The following PTPN2 variants were observed in gnomAD, a reference collection of about 807,000 sequenced individuals.
PTPN2 encodes the protein tyrosine-protein phosphatase non-receptor type 2.
In PTPN2, 19 loss-of-function variants were observed where a neutral mutation model predicts 57.3. That is an observed-to-expected ratio of 0.33 (90% CI 0.23 to 0.49). PTPN2 has a LOEUF of 0.49. PTPN2 is among the 20% of genes least tolerant of loss of function. The pLI, the probability that PTPN2 is intolerant of heterozygous loss-of-function variation, is 0.99. For missense variants in PTPN2, 358 were observed against 501.1 expected (o/e 0.71, Z 2.73); for synonymous variants, 153 against 164.9 (o/e 0.93, Z 0.55).
rs1032615852 is a variant in PTPN2 at position 12,859,399 on chromosome 18, T to G, written c.70-145A>C. On this transcript the variant is annotated intron_variant, in intron 1 of 8. Transcript: ENST00000309660. ...ACATTGTTTACATCAATTAATCATT[T>G]AATCCTCACAATACTAATGGAAACG... The G allele has an allele frequency of 5.3e-6, 3 of 562,642 alleles. No individual in the cohort carries two copies. In the African/African-American group the frequency reaches 5.7e-5, roughly 11 times the overall value. 34.9% of individuals were successfully genotyped at this position (562,642 alleles called of 1,614,324 possible).
intron 1 of PTPN2, chr18:12,863,280 G>T (rs1194065083): frequency 6.6e-6 from 1 of 152,112 alleles, no homozygotes; most frequent in Non-Finnish European, 1.5e-5. Context: ...AACACAGTAA[G>T]ACACCAGCTC....
rs981027966 is a variant in PTPN2 at position 12,792,270 on chromosome 18, A to G, written c.*2008T>C. On this transcript the variant is annotated 3_prime_UTR_variant, in exon 9 of 9. Coordinates refer to ENST00000309660, the MANE Select transcript of PTPN2 (RefSeq NM_002828.4). ...CAATTCAAAATATCTATCTATACCAATGGTTTTCAAACTTTTTTTTTTTTT... is the reference window on the plus strand; with the variant it reads ...CAATTCAAAATATCTATCTATACCAGTGGTTTTCAAACTTTTTTTTTTTTT... The G allele has an allele frequency of 1.9e-5, 17 of 900,968 alleles. No homozygotes were observed. Among genetic ancestry groups the G allele is most frequent in the Non-Finnish European group, 2.3e-5 (17 of 754,950 alleles). 55.8% of individuals were successfully genotyped at this position (900,968 alleles called of 1,614,324 possible).
At chr18:12,800,786 G>C (rs1376138897) in intron 8 of PTPN2, among the ~76,000 whole-genome samples, 1 of 152,148 alleles carries the variant, frequency 6.6e-6, no homozygotes, top group African/African-American at 2.4e-5. Context: ...GTTATTCAGA[G>C]ATGCAGGAGA....
chr18:12,868,571 T>C (rs1258644502), intron 1 of PTPN2, among the ~76,000 whole-genome samples: 1 of 150,946 alleles, frequency 6.6e-6, no homozygotes, highest in Non-Finnish European at 1.5e-5. Context: ...AGTTTTCTAC[T>C]GCCTTTCTTG....
Position 12,794,366 on chromosome 18 carries a change from G to A in PTPN2, c.1160C>T (p.Pro387Leu), listed in dbSNP as rs780534824. 7.4e-6 allele frequency: 12 copies of A among 1,614,160 alleles called. No homozygotes were observed. In the South Asian group the frequency reaches 1.2e-4, roughly 16 times the overall value. ...RKRKRWLYWQ[P>L]ILTKMGFMSV... ...CATAAACCCCATCTTAGTGAGAATA[G>A]GTTGCCAATATAACCACCTTTTTCT... is the stretch of plus-strand genomic sequence containing the variant. Residue 387 changes from proline to leucine, a missense_variant, in exon 9 of 9, where the codon CCT (proline) becomes CTT (leucine). This residue lies in a region of PTPN2 where 96 missense variants were observed against 110.8 expected (regional missense o/e 0.87). Coordinates refer to ENST00000309660, the MANE Select transcript of PTPN2 (RefSeq NM_002828.4).
intron 7 of PTPN2, among the ~76,000 whole-genome samples, chr18:12,806,077 AT>A (rs1168641860): frequency 6.6e-6 from 1 of 152,186 alleles, no homozygotes; most frequent in East Asian, 1.9e-4. Context: ...AGAAAACCCT[AT>A]AGACTCTACC....
chr18:12,836,976 AAGAC>A lies in PTPN2; in HGVS notation c.161-89_161-86del, dbSNP rs1237660224. The A allele has an allele frequency of 7.1e-5, 57 of 802,852 alleles. No homozygotes were observed. The South Asian group carries it at 9.1e-4, about 13-fold the overall frequency. 49.7% of individuals were successfully genotyped at this position (802,852 alleles called of 1,614,324 possible). A position where few individuals can be genotyped will look rare whatever the true frequency, so the allele number is the denominator to read the frequency against. ...TATTAATATTCTAGGTATTTATAAA[AAGAC>A]AGAAGAAATAAGAAAAATGAATTAG... On this transcript the variant is annotated intron_variant, in intron 2 of 8. Transcript: ENST00000309660.
In PTPN2 at chr18:12,793,093, G is replaced by C. The variant is rs548288763; in HGVS notation, c.*1185C>G. The C allele has an allele frequency of 6.0e-5, 59 of 985,068 alleles. No homozygotes were observed. The Admixed American group carries it at 2.9e-3, about 48-fold the overall frequency. 61.0% of individuals were successfully genotyped at this position (985,068 alleles called of 1,614,324 possible). ...TAATGTATGCTATCCATGCCTCCTAGCAATTAAATTTGTAACAACAATTTC... is the reference window on the plus strand; with the variant it reads ...TAATGTATGCTATCCATGCCTCCTACCAATTAAATTTGTAACAACAATTTC... On this transcript the variant is annotated 3_prime_UTR_variant, in exon 9 of 9. Transcript: ENST00000309660.
Position 12,794,302 on chromosome 18 carries a change from C to CA in PTPN2, c.1223dup (p.Phe409ValfsTer11). 1.2e-6 allele frequency: 2 copies of CA among 1,614,176 alleles called. No homozygotes were observed. The highest frequency in any genetic ancestry group is 8.5e-7 in the Non-Finnish European group (1 of 1,179,996). Reference sequence around the variant, plus strand: ...TTTATAGGGCATTTTGCTGAAAAAACAGTGTCCAGCCAACAAAAGCGCCAA... The same window carrying CA: ...TTTATAGGGCATTTTGCTGAAAAAACAAGTGTCCAGCCAACAAAAGCGCCAA... On this transcript the variant is annotated frameshift_variant, in exon 9 of 9. Transcript: ENST00000309660. LOFTEE classifies it high-confidence loss of function.
At position 12,857,408 on chromosome 18, in the gene PTPN2, A is replaced by G. The variant is rs116908917; in HGVS notation, c.160+1756T>C. 4.9e-4 allele frequency among the ~76,000 whole-genome samples: 75 copies of G among 152,296 alleles called. 1 individual carries two copies. The East Asian group carries it at 0.014, about 29-fold the overall frequency. ...GTATTGTTTCAGGTTCCCAGGTGTGATATTGGACTGTAGTTATGCAAGATG... is the reference window on the plus strand; with the variant it reads ...GTATTGTTTCAGGTTCCCAGGTGTGGTATTGGACTGTAGTTATGCAAGATG... On this transcript the variant is annotated intron_variant, in intron 2 of 8. Coordinates refer to ENST00000309660, the MANE Select transcript of PTPN2 (RefSeq NM_002828.4).
At chr18:12,803,832 T>A (rs1406312157) in intron 7 of PTPN2, among the ~76,000 whole-genome samples, 2 of 151,810 alleles carry the variant, frequency 1.3e-5, no homozygotes, top group African/African-American at 4.8e-5. Flanking sequence ...AGACATAAAA[T>A]CAACAAAAAA....
Position 12,830,932 on chromosome 18 carries a change from A to C in PTPN2, c.360+11T>G. On this transcript the variant is annotated intron_variant, in intron 4 of 8. Transcript: ENST00000309660. Reference sequence around the variant, plus strand: ...CAGTATACTAAGTTGTAAATATTAAATATTACTCACCGATTCTTTCTCCAC... The same window carrying C: ...CAGTATACTAAGTTGTAAATATTAACTATTACTCACCGATTCTTTCTCCAC... 1 of 1,550,694 alleles carries C rather than the reference A, an allele frequency of 6.4e-7. No individual in the cohort carries two copies. Among genetic ancestry groups the C allele is most frequent in the South Asian group, 1.1e-5 (1 of 89,610 alleles).
At chr18:12,801,797 A>T in intron 8 of PTPN2, 173 bp downstream of exon 8, 1 of 656,552 alleles carries the variant, frequency 1.5e-6, no homozygotes, top group Non-Finnish European at 2.6e-6. Context: ...TCAAACTCCT[A>T]GACTCAAGTG....
chr18:12,813,425 C>T (rs971447083), intron 7 of PTPN2, among the ~76,000 whole-genome samples: 10 of 152,108 alleles, frequency 6.6e-5, no homozygotes, highest in African/African-American at 2.2e-4. Context: ...TATTTTAATG[C>T]TATTTAAAGA....
exon 1 of PTPN2, chr18:12,884,228 CGGCGCATGCGCGCT>C: frequency 9.9e-7 from 1 of 1,012,988 alleles, no homozygotes; most frequent in Non-Finnish European, 1.3e-6. Flanking sequence ...GCTGGCGCTG[CGGCGCATGCGCGCT>C]GCGCGCCGCG....
rs886140574 is a variant in PTPN2, at chr18:12,793,475, T to C, written c.*803A>G. ...ATTTCTTTACAAAGTCTTGACCAAC[T>C]GTTTACCTGACTATCCCAGTAAGGA... On this transcript the variant is annotated 3_prime_UTR_variant, in exon 9 of 9. Coordinates refer to ENST00000309660, the MANE Select transcript of PTPN2 (RefSeq NM_002828.4). 3.1e-6 allele frequency: 3 copies of C among 977,288 alleles called. No individual in the cohort carries two copies. The highest frequency in any genetic ancestry group is 3.5e-5 in the African/African-American group (2 of 57,158). 60.5% of individuals were successfully genotyped at this position (977,288 alleles called of 1,614,324 possible).
intron 7 of PTPN2, among the ~76,000 whole-genome samples, chr18:12,812,046 C>G (rs944444392): frequency 1.3e-5 from 2 of 152,142 alleles, no homozygotes; most frequent in African/African-American, 2.4e-5. Flanking sequence ...AAATTACCAG[C>G]TAGAGATCTT....
chr18:12,823,062 C>T (rs1368039167), intron 5 of PTPN2, among the ~76,000 whole-genome samples: 2 of 152,182 alleles, frequency 1.3e-5, no homozygotes, highest in African/African-American at 4.8e-5. Flanking sequence ...TAGAGGTTAT[C>T]TACTTAGGCA....
intron 2 of PTPN2, among the ~76,000 whole-genome samples, chr18:12,856,537 G>A (rs2145464744): frequency 6.6e-6 from 1 of 152,244 alleles, no homozygotes; most frequent in Non-Finnish European, 1.5e-5. Context: ...TCAAGGCTAA[G>A]TGCTTTTCAA....
Sources: gnomAD v4.1 joint callset for allele counts (sites outside exome capture counted in the v4.1 genomes callset) on GRCh38, gnomAD v4.1.1 for gene constraint, gnomAD v4.1.1 regional missense constraint, MANE v1.5 for transcripts, NCBI Gene and HGNC (gene_info 2026-07-23, HGNC 2026-07-21) for gene names.